DNAH17: variants seen among roughly 807,000 people sequenced by gnomAD.
The protein encoded by DNAH17 is axonemal beta dynein heavy chain 17.
DNAH17 carries 376 observed loss-of-function variants against 485.6 expected under a neutral mutation model. The ratio of observed to expected loss-of-function variants is 0.77; its 90% CI spans 0.71 to 0.84. DNAH17 has a LOEUF of 0.84. Among genes scored for constraint, DNAH17 ranks in the 40% least tolerant of loss-of-function variants. The pLI is 0.00. For missense variants in DNAH17, 6,370 were observed against 5,839.3 expected, an observed-to-expected ratio of 1.09 and a Z score of -2.96; for synonymous variants, 3,031 against 2,405.9, an observed-to-expected ratio of 1.26 and a Z score of -7.60.
chr17:78,450,660 A>T (rs2087508182), intron 67 of DNAH17, 22 bp downstream of exon 67: 2 of 1,602,240 alleles, frequency 1.2e-6, no homozygotes, highest in Admixed American at 3.4e-5. Flanking sequence ...CTGCCAGGGC[A>T]CGTCACCGAG....
At chr17:78,494,864 C>T in intron 39 of DNAH17, 44 bp from the exon 40 acceptor site, 1 of 1,573,512 alleles carries the variant, frequency 6.4e-7, no homozygotes, top group Non-Finnish European at 8.6e-7. Flanking sequence ...GCTCACCTTC[C>T]TGTGGCCAGC....
chr17:78,566,514 A>T, intron 11 of DNAH17, 100 bp downstream of exon 11: 1 of 880,986 alleles, frequency 1.1e-6, no homozygotes, highest in Non-Finnish European at 1.8e-6. Context: ...CATCAGCTCT[A>T]CATGGAGAGG....
chr17:78,469,887 AAAG>A (rs2088664237), intron 54 of DNAH17, among the ~76,000 whole-genome samples: 1 of 152,146 alleles, frequency 6.6e-6, no homozygotes, highest in East Asian at 1.9e-4. Flanking sequence ...TCAGGGACAG[AAAG>A]AAGAATGGAG....
chr17:78,457,257 T>C (rs374744231), intron 62 of DNAH17, among the ~76,000 whole-genome samples: 5 of 152,018 alleles, frequency 3.3e-5, no homozygotes, highest in African/African-American at 1.2e-4. Flanking sequence ...TGTGGTCCCA[T>C]CTACTTGGGA....
chr17:78,485,162 G>A (rs1459198953), intron 47 of DNAH17, 129 bp from the exon 48 acceptor site: 1 of 1,255,418 alleles, frequency 8.0e-7, no homozygotes, highest in African/African-American at 1.5e-5. Flanking sequence ...GTTTACCAAA[G>A]GTACCTGCCC....
At chr17:78,426,644 C>T in intron 78 of DNAH17, 44 bp from the exon 79 acceptor site, 2 of 1,556,274 alleles carry the variant, frequency 1.3e-6, no homozygotes, top group Non-Finnish European at 1.7e-6. Context: ...GAGCTGGGGC[C>T]TGGGAGAGCA....
chr17:78,476,437 G>T, intron 52 of DNAH17, 135 bp downstream of exon 52: 2 of 1,062,102 alleles, frequency 1.9e-6, no homozygotes, highest in Non-Finnish European at 2.6e-6. Context: ...GAATGATCGC[G>T]TGGAACCTAA....
At chr17:78,446,786 G>T (rs1039504887) in intron 69 of DNAH17, among the ~76,000 whole-genome samples, 2 of 152,162 alleles carry the variant, frequency 1.3e-5, no homozygotes, top group African/African-American at 4.8e-5. Flanking sequence ...TGGAATTACA[G>T]GTGTGTGCCA....
chr17:78,536,036 G>A (rs1037166630), intron 19 of DNAH17, among the ~76,000 whole-genome samples: 1 of 152,066 alleles, frequency 6.6e-6, no homozygotes, highest in Non-Finnish European at 1.5e-5. Flanking sequence ...CCAGAGCCTG[G>A]CCAGGCTCTC....
chr17:78,536,920 A>G (rs2091389737), intron 19 of DNAH17, among the ~76,000 whole-genome samples: 1 of 152,048 alleles, frequency 6.6e-6, no homozygotes, highest in South Asian at 2.1e-4. Flanking sequence ...TCACGCCTAT[A>G]ATCCCAGCAC....
In DNAH17 at chr17:78,526,998, T is replaced by C; in HGVS notation, c.3508-2A>G. 1 of 1,568,306 alleles carries C rather than the reference T, an allele frequency of 6.4e-7. No individual in the cohort carries two copies. The highest frequency in any genetic ancestry group is 1.4e-5 in the African/African-American group (1 of 74,016). The stretch of plus-strand genomic sequence containing the variant: ...ATTTGCCCAGTGCTCCGGCAGCTCC[T>C]GCGGGAAGCAAAGGCAGAGGAGGGC... On this transcript the variant is annotated splice_acceptor_variant, in intron 22 of 80. Transcript: ENST00000389840. LOFTEE classifies it high-confidence loss of function.
chr17:78,515,666 C>T (rs1026704592), intron 25 of DNAH17, among the ~76,000 whole-genome samples: 2 of 152,240 alleles, frequency 1.3e-5, no homozygotes, highest in Admixed American at 6.5e-5. Context: ...TGATGCCTGA[C>T]AATACCCAGC....
intron 19 of DNAH17, 157 bp from the exon 20 acceptor site, chr17:78,532,893 C>T (rs929416247): frequency 5.9e-6 from 5 of 851,516 alleles, no homozygotes; most frequent in Middle Eastern, 3.7e-4. Flanking sequence ...GCCGATCACC[C>T]CTCTTTAGGC....
intron 33 of DNAH17, chr17:78,502,253 A>C: frequency 3.0e-6 from 1 of 337,188 alleles, no homozygotes; most frequent in Non-Finnish European, 5.4e-6. Context: ...GTGGAATTAC[A>C]GGTAAATTCT....
Position 78,429,157 on chromosome 17 carries a change from G to A in DNAH17, c.12369C>T (p.Ala4123=), listed in dbSNP as rs537904611. 6.2e-7 allele frequency: 1 copy of A among 1,613,446 alleles called. No individual in the cohort carries two copies. Among genetic ancestry groups the A allele is most frequent in the Admixed American group, 1.7e-5 (1 of 59,996 alleles). ...TEMLEGDVLL[A]PGFQIPPNLD... ...GGTTGGGGGGGATCTGAAAGCCGGG[G>A]GCCAGCAGGACGTCTCCCTCCAGCA... Residue 4123 remains alanine (A), a synonymous_variant, in exon 76 of 81, where the codon GCC becomes GCT. Coordinates refer to ENST00000389840, the MANE Select transcript of DNAH17 (RefSeq NM_173628.4).
At chr17:78,552,258 C>T (rs2091918387) in intron 15 of DNAH17, among the ~76,000 whole-genome samples, 1 of 152,204 alleles carries the variant, frequency 6.6e-6, no homozygotes, top group South Asian at 2.1e-4. Context: ...CGGGGGCCTT[C>T]TGCCTCGTCC....
At position 78,427,047 on chromosome 17, in the gene DNAH17, A is replaced by G; in HGVS notation, c.12650T>C (p.Ile4217Thr). 1 of 1,601,370 alleles carries G rather than the reference A, an allele frequency of 6.2e-7. No individual in the cohort carries two copies. Among genetic ancestry groups the G allele is most frequent in the Non-Finnish European group, 8.5e-7 (1 of 1,174,184 alleles). Residue 4217 changes from isoleucine to threonine, a missense_variant, in exon 78 of 81, where the codon ATC becomes ACC. Physicochemically the swap from Ile to Thr is moderately conservative, Grantham distance 89. Coordinates refer to ENST00000389840, the MANE Select transcript of DNAH17 (RefSeq NM_173628.4). ...GGTCTTTTCCGCTGCCTTTGCCATG[A>G]TCTCAGCCATGTTGAAAGTCTCCGG... ...KIPETFNMAEIMAKAAEKTPY... is the reference protein window; with the variant it reads ...KIPETFNMAETMAKAAEKTPY...
Position 78,453,450 on chromosome 17 carries a change from G to C in DNAH17, c.10422C>G (p.Ile3474Met). The C allele has an allele frequency of 6.2e-7, 1 of 1,613,908 alleles. No individual in the cohort carries two copies. The highest frequency in any genetic ancestry group is 8.5e-7 in the Non-Finnish European group (1 of 1,179,810). The change falls in exon 65 of 81, where the codon ATC (isoleucine) becomes ATG (methionine). Residue 3474 changes from isoleucine to methionine, a missense_variant. By Grantham distance (10) the Ile-to-Met change is conservative. Transcript: ENST00000389840. ...TGTCCCCTTCCGAGATGGCCTGCTC[G>C]ATGACATCCAGGTAGCTGCGGGCAC... ...RLGQKSYLDV[I>M]EQAISEGDTL...
At chr17:78,567,790 G>A (rs977637559) in intron 9 of DNAH17, among the ~76,000 whole-genome samples, 1 of 152,134 alleles carries the variant, frequency 6.6e-6, no homozygotes, top group African/African-American at 2.4e-5. Flanking sequence ...CGCCGCTTGT[G>A]TTTGCTTTAG....
Sources: gnomAD v4.1 joint callset for allele counts (sites outside exome capture counted in the v4.1 genomes callset) on GRCh38, gnomAD v4.1.1 for gene constraint, MANE v1.5 for transcripts, NCBI Gene and HGNC (gene_info 2026-07-23, HGNC 2026-07-21) for gene names.